Variants in IKBKB observed in about 807,000 individuals in gnomAD.
The protein encoded by IKBKB is inhibitor of nuclear factor kappa-B kinase subunit beta.
A neutral mutation model predicts 113.6 loss-of-function variants in IKBKB; 42 were observed. That is an observed-to-expected ratio of 0.37 (90% CI 0.29 to 0.48). The LOEUF is 0.48. Among genes scored for constraint, IKBKB ranks in the 20% least tolerant of loss-of-function variants. The pLI, the probability that IKBKB is intolerant of heterozygous loss-of-function variation, is 0.99. For synonymous variants in IKBKB, 296 were observed against 361.3 expected (o/e 0.82, Z 2.05); for missense variants, 673 against 939.7 (o/e 0.72, Z 3.71).
intron 1 of IKBKB, chr8:42,271,804 G>T (rs1737976111): frequency 7.6e-6 from 4 of 524,852 alleles, no homozygotes; most frequent in South Asian, 7.4e-5. Context: ...GTCAGCTGGG[G>T]ATCCCCTCGC....
intron 2 of IKBKB, among the ~76,000 whole-genome samples, chr8:42,287,548 G>A (rs905802773): frequency 7.9e-5 from 12 of 152,366 alleles, no homozygotes; most frequent in African/African-American, 2.6e-4. Flanking sequence ...CTGTAGTGTC[G>A]TGGGAAGAGT....
intron 4 of IKBKB, among the ~76,000 whole-genome samples, chr8:42,293,123 T>A (rs1240553373): frequency 1.3e-5 from 2 of 152,190 alleles, no homozygotes; most frequent in Admixed American, 6.5e-5. Flanking sequence ...AGAGAATTCC[T>A]ATTTCCTGTG....
At chr8:42,273,744 G>C (rs149683058) in intron 2 of IKBKB, among the ~76,000 whole-genome samples, 1 of 151,858 alleles carries the variant, frequency 6.6e-6, no homozygotes, top group East Asian at 1.9e-4. Context: ...TAGTGATGGT[G>C]GTCTCACAAT....
chr8:42,271,529 C>T, intron 1 of IKBKB, 60 bp downstream of exon 1: 1 of 618,984 alleles, frequency 1.6e-6, no homozygotes, highest in African/African-American at 2.0e-5. Context: ...GCCCCGCTGC[C>T]TGCAAGGCCC....
chr8:42,328,526 G>T (rs1387220753), intron 20 of IKBKB, among the ~76,000 whole-genome samples: 2 of 152,150 alleles, frequency 1.3e-5, no homozygotes, highest in Non-Finnish European at 2.9e-5. Flanking sequence ...TAGAAAGGTG[G>T]ACCTGGGTAT....
chr8:42,301,621 A>G (rs1815223405), intron 5 of IKBKB, among the ~76,000 whole-genome samples: 1 of 152,232 alleles, frequency 6.6e-6, no homozygotes, highest in Non-Finnish European at 1.5e-5. Flanking sequence ...AAGTTGACAG[A>G]GGTATTGAAG....
intron 3 of IKBKB, 71 bp from the exon 4 acceptor site, chr8:42,290,085 C>A: frequency 9.4e-7 from 1 of 1,060,568 alleles, no homozygotes; most frequent in Non-Finnish European, 1.5e-6. Context: ...GTTGCTGAGA[C>A]CTGGTGGGGG....
chr8:42,287,921 T>G (rs1334149091), intron 2 of IKBKB, among the ~76,000 whole-genome samples: 1 of 152,144 alleles, frequency 6.6e-6, no homozygotes, highest in Non-Finnish European at 1.5e-5. Flanking sequence ...GCCATTTTTG[T>G]AGGTCAATGT....
intron 19 of IKBKB, chr8:42,325,449 G>A: frequency 1.1e-6 from 1 of 950,324 alleles, no homozygotes; most frequent in Non-Finnish European, 1.3e-6. Flanking sequence ...TTGGGAGGCT[G>A]AGGCAGATCA....
Position 42,271,475 on chromosome 8 carries a change from T to A in IKBKB, c.-19+6T>A, listed in dbSNP as rs1585480187. The A allele has an allele frequency of 8.3e-7, 1 of 1,200,390 alleles. No homozygotes were observed. Among genetic ancestry groups the A allele is most frequent in the Non-Finnish European group, 1.2e-6 (1 of 860,092 alleles). 74.4% of individuals were successfully genotyped at this position (1,200,390 alleles called of 1,614,324 possible). ...CCCCGCGTCCCTGCCGACAGGTGAG[T>A]CCCCCTCGTGGGTGCGGCCCGGGTG... On this transcript the variant is annotated splice_donor_region_variant and intron_variant, in intron 1 of 21. Coordinates refer to ENST00000520810, the MANE Select transcript of IKBKB (RefSeq NM_001556.3).
At chr8:42,317,947 T>C (rs1002350693) in intron 12 of IKBKB, among the ~76,000 whole-genome samples, 176 bp downstream of exon 12, 1 of 151,724 alleles carries the variant, frequency 6.6e-6, no homozygotes, top group Non-Finnish European at 1.5e-5. Context: ...CAAGAGAGAG[T>C]ACAGGAAACC....
intron 4 of IKBKB, among the ~76,000 whole-genome samples, chr8:42,290,868 T>A (rs1363412234): frequency 6.6e-6 from 1 of 152,246 alleles, no homozygotes; most frequent in African/African-American, 2.4e-5. Flanking sequence ...GAATGTTCAC[T>A]TCTGGTGGGT....
chr8:42,271,980 C>T (rs1807855031), intron 1 of IKBKB, 103 bp from the exon 2 acceptor site: 6 of 1,187,834 alleles, frequency 5.1e-6, no homozygotes, highest in African/African-American at 1.5e-5. Flanking sequence ...TATTTTTCTT[C>T]TCTCCCATTC....
chr8:42,281,923 G>A (rs1451266566), intron 2 of IKBKB, among the ~76,000 whole-genome samples: 1 of 152,176 alleles, frequency 6.6e-6, no homozygotes, highest in African/African-American at 2.4e-5. Flanking sequence ...CAAACTTGAG[G>A]AAGCTGGGCC....
chr8:42,323,333 C>T (rs1420515906), intron 19 of IKBKB, among the ~76,000 whole-genome samples: 2 of 152,260 alleles, frequency 1.3e-5, no homozygotes, highest in African/African-American at 2.4e-5. Flanking sequence ...GTCTGCACTG[C>T]CCTCAGTGCA....
intron 2 of IKBKB, among the ~76,000 whole-genome samples, chr8:42,287,888 A>G (rs1057112520): frequency 2.0e-5 from 3 of 152,328 alleles, no homozygotes; most frequent in East Asian, 3.9e-4. Flanking sequence ...GGTGTTCACT[A>G]TTAGGTTGAA....
In IKBKB at chr8:42,318,062, G is replaced by A. The variant is rs555324188; in HGVS notation, c.1240+291G>A. Among the ~76,000 whole-genome samples, 27 of 152,204 alleles carry A rather than the reference G, an allele frequency of 1.8e-4. No homozygotes were observed. The South Asian group carries it at 5.4e-3, about 30-fold the overall frequency. ...GGATCACTTGAGCCCAGGAGTTCAA[G>A]ACCAGCCTGGGTAATATAGTAAGCT... is the stretch of plus-strand genomic sequence containing the variant. On this transcript the variant is annotated intron_variant, in intron 12 of 21. Coordinates refer to ENST00000520810, the MANE Select transcript of IKBKB (RefSeq NM_001556.3).
At chr8:42,275,953 T>G (rs1367979561) in intron 2 of IKBKB, among the ~76,000 whole-genome samples, 2 of 152,140 alleles carry the variant, frequency 1.3e-5, no homozygotes, top group African/African-American at 4.8e-5. Flanking sequence ...GCAGTTCTCC[T>G]GCTTCAGCCT....
At chr8:42,290,674 C>G (rs1812434528) in intron 4 of IKBKB, among the ~76,000 whole-genome samples, 1 of 152,178 alleles carries the variant, frequency 6.6e-6, no homozygotes, top group African/African-American at 2.4e-5. Flanking sequence ...GGATTTTATT[C>G]TAGAGATGGG....
Sources: gnomAD v4.1 joint callset for allele counts (sites outside exome capture counted in the v4.1 genomes callset) on GRCh38, gnomAD v4.1.1 for gene constraint, MANE v1.5 for transcripts, NCBI Gene and HGNC (gene_info 2026-07-23, HGNC 2026-07-21) for gene names.